The following CNTNAP2 variants were observed in gnomAD, a reference collection of about 807,000 sequenced individuals.
The protein encoded by CNTNAP2 is contactin associated protein 2, also known as contactin-associated protein-like 2.
CNTNAP2 carries 98 observed loss-of-function variants against 155.2 expected under a neutral mutation model. The ratio of observed to expected loss-of-function variants is 0.63; its 90% confidence interval spans 0.54 to 0.75. The LOEUF is 0.75. CNTNAP2 is among the 30% of genes least tolerant of loss of function. The pLI is 0.00. For missense variants in CNTNAP2, 1,727 were observed against 1,688.1 expected, an observed-to-expected ratio of 1.02 and a Z score of -0.40; for synonymous variants, 651 against 631.2, an observed-to-expected ratio of 1.03 and a Z score of -0.47.
At chr7:146,496,151 A>G (rs1201811219) in intron 1 of CNTNAP2, among the ~76,000 whole-genome samples, 1 of 152,150 alleles carries the variant, frequency 6.6e-6, no homozygotes, top group Non-Finnish European at 1.5e-5. Flanking sequence ...TGCGACGTGA[A>G]GAAAACATAC....
At chr7:147,642,005 T>TGTGTGC (rs1554416356) in intron 13 of CNTNAP2, among the ~76,000 whole-genome samples, 1 of 133,116 alleles carries the variant, frequency 7.5e-6, no homozygotes, top group Non-Finnish European at 1.7e-5. Context: ...TAGGTGTGTG[T>TGTGTGC]GTGTGCGTGT....
chr7:146,454,675 G>C (rs1385888999), intron 1 of CNTNAP2, among the ~76,000 whole-genome samples: 1 of 151,920 alleles, frequency 6.6e-6, no homozygotes. Flanking sequence ...TCATAAGGCA[G>C]CTATATTGAT....
chr7:147,304,276 G>A (rs1794990405), intron 9 of CNTNAP2, among the ~76,000 whole-genome samples: 9 of 152,104 alleles, frequency 5.9e-5, no homozygotes, highest in Admixed American at 4.6e-4. Context: ...CTTCAGTAAA[G>A]TGTGTTTTAG....
At chr7:146,328,040 G>A (rs905177638) in intron 1 of CNTNAP2, among the ~76,000 whole-genome samples, 24 of 152,148 alleles carry the variant, frequency 1.6e-4, no homozygotes, top group African/African-American at 5.8e-4. Flanking sequence ...GCCACAGACC[G>A]GTACTGGTCC....
chr7:147,833,439 C>T (rs775820159), intron 13 of CNTNAP2, among the ~76,000 whole-genome samples: 2 of 152,132 alleles, frequency 1.3e-5, no homozygotes, highest in Non-Finnish European at 2.9e-5. Context: ...AGAACCTTCC[C>T]TCGATGCTCC....
chr7:147,148,080 T>G (rs1397839102), intron 8 of CNTNAP2, among the ~76,000 whole-genome samples: 1 of 152,132 alleles, frequency 6.6e-6, no homozygotes, highest in Non-Finnish European at 1.5e-5. Flanking sequence ...AAAGAAATCA[T>G]GCAACATTAT....
At chr7:146,814,403 A>G (rs1162826127) in intron 2 of CNTNAP2, among the ~76,000 whole-genome samples, 2 of 152,168 alleles carry the variant, frequency 1.3e-5, no homozygotes, top group Admixed American at 6.6e-5. Flanking sequence ...CTCAATGCCA[A>G]TCACACTGTA....
chr7:146,274,374 C>T (rs897819631), intron 1 of CNTNAP2, among the ~76,000 whole-genome samples: 1 of 152,162 alleles, frequency 6.6e-6, no homozygotes, highest in Non-Finnish European at 1.5e-5. Flanking sequence ...AGTTGAATAT[C>T]AGGAGAGAGT....
intron 1 of CNTNAP2, among the ~76,000 whole-genome samples, chr7:146,393,441 G>A (rs1795573913): frequency 6.6e-6 from 1 of 152,114 alleles, no homozygotes; most frequent in Non-Finnish European, 1.5e-5. Context: ...ACTTAATGTG[G>A]CCATGATGGT....
At chr7:146,691,885 C>A (rs1427138085) in intron 1 of CNTNAP2, among the ~76,000 whole-genome samples, 2 of 152,042 alleles carry the variant, frequency 1.3e-5, no homozygotes, top group Admixed American at 6.6e-5. Context: ...CTACTTTGAA[C>A]AATGGAAACA....
chr7:146,946,602 G>T (rs1354724866), intron 3 of CNTNAP2, among the ~76,000 whole-genome samples: 1 of 152,054 alleles, frequency 6.6e-6, no homozygotes, highest in Non-Finnish European at 1.5e-5. Context: ...AAGGTAAAAG[G>T]TTGGTGCAAA....
chr7:148,368,024 G>T (rs1000482790), intron 21 of CNTNAP2, among the ~76,000 whole-genome samples: 30 of 152,136 alleles, frequency 2.0e-4, no homozygotes, highest in Admixed American at 2.0e-3. Flanking sequence ...TTCAGATAGA[G>T]CCCCTCATCT....
At chr7:147,160,643 TATG>T (rs1305639780) in intron 8 of CNTNAP2, among the ~76,000 whole-genome samples, 1 of 152,134 alleles carries the variant, frequency 6.6e-6, no homozygotes, top group African/African-American at 2.4e-5. Context: ...AAAATTGTAA[TATG>T]ATGTGTTAAG....
chr7:148,326,933 T>C (rs1797902568), intron 21 of CNTNAP2, among the ~76,000 whole-genome samples: 2 of 151,282 alleles, frequency 1.3e-5, no homozygotes, highest in African/African-American at 4.9e-5. Context: ...TTAAGGCAGA[T>C]GTGGGCCACA....
intron 13 of CNTNAP2, among the ~76,000 whole-genome samples, chr7:147,780,786 G>A (rs1436335258): frequency 6.6e-6 from 1 of 152,162 alleles, no homozygotes; most frequent in Non-Finnish European, 1.5e-5. Flanking sequence ...ATAAGAAGTG[G>A]GGTCTGCTAG....
At chr7:147,236,541 A>G (rs1044932128) in intron 8 of CNTNAP2, among the ~76,000 whole-genome samples, 1 of 146,128 alleles carries the variant, frequency 6.8e-6, no homozygotes, top group Non-Finnish European at 1.5e-5. Context: ...ACTCACTCTC[A>G]CTTGTCGTAT....
At chr7:148,194,952 G>A (rs886269846) in intron 18 of CNTNAP2, among the ~76,000 whole-genome samples, 2 of 152,110 alleles carry the variant, frequency 1.3e-5, no homozygotes, top group Non-Finnish European at 2.9e-5. Flanking sequence ...CCTTAGCCCA[G>A]TCAAGATGAC....
intron 10 of CNTNAP2, among the ~76,000 whole-genome samples, chr7:147,425,132 G>A (rs1249548940): frequency 7.6e-6 from 1 of 130,870 alleles, no homozygotes; most frequent in African/African-American, 2.8e-5. Flanking sequence ...TTTTGCAAGT[G>A]GAATTTTTTT....
rs143017040 is a variant in CNTNAP2, at chr7:146,716,831, G to A, written c.98-57440G>A. ...TAGTGAGGAAGGATAAAGCTTAAGC[G>A]GGAGCTTGGACTAGATAACTGCTAG... On this transcript the variant is annotated intron_variant, in intron 1 of 23. Coordinates refer to ENST00000361727, the MANE Select transcript of CNTNAP2 (RefSeq NM_014141.6). 2.4e-4 allele frequency among the ~76,000 whole-genome samples: 36 copies of A among 152,296 alleles called. No individual in the cohort carries two copies. In the East Asian group the frequency reaches 6.0e-3, roughly 25 times the overall value.
Sources: gnomAD v4.1 joint callset for allele counts (sites outside exome capture counted in the v4.1 genomes callset) on GRCh38, gnomAD v4.1.1 for gene constraint, MANE v1.5 for transcripts, NCBI Gene and HGNC (gene_info 2026-07-23, HGNC 2026-07-21) for gene names.